Variants in ADK observed in about 807,000 individuals in gnomAD.
ADK encodes adenosine kinase.
In ADK, 24 loss-of-function variants were observed where a neutral mutation model predicts 44.7. That is an observed-to-expected ratio of 0.54 (90% CI 0.39 to 0.76). ADK has a LOEUF of 0.76. ADK is among the 30% of genes least tolerant of loss of function. The pLI is 0.00. For synonymous variants in ADK, 128 were observed against 142.6 expected (o/e 0.90, Z 0.73); for missense variants, 321 against 425.1 (o/e 0.76, Z 2.15).
intron 9 of ADK, among the ~76,000 whole-genome samples, chr10:74,653,319 G>A (rs1182733132): frequency 2.6e-5 from 4 of 152,082 alleles, no homozygotes; most frequent in Non-Finnish European, 5.9e-5. Flanking sequence ...GGGCTTGGTG[G>A]TGGGCACTTT....
chr10:74,564,435 A>G (rs986922536), intron 7 of ADK, among the ~76,000 whole-genome samples: 1 of 152,174 alleles, frequency 6.6e-6, no homozygotes, highest in East Asian at 1.9e-4. Flanking sequence ...TTAGCATCCC[A>G]TAATACATTT....
intron 3 of ADK, among the ~76,000 whole-genome samples, chr10:74,261,494 T>C (rs1051608915): frequency 6.6e-6 from 1 of 152,318 alleles, no homozygotes; most frequent in Non-Finnish European, 1.5e-5. Context: ...TTTAGTCTTA[T>C]TAGTTTATGC....
intron 7 of ADK, chr10:74,527,769 A>C: frequency 1.3e-6 from 2 of 1,566,968 alleles, no homozygotes; most frequent in Non-Finnish European, 1.8e-6. Flanking sequence ...GACTTACCAC[A>C]TCTGAGAGAA....
chr10:74,362,964 G>A (rs1842384531), intron 4 of ADK, among the ~76,000 whole-genome samples: 1 of 152,214 alleles, frequency 6.6e-6, no homozygotes, highest in Non-Finnish European at 1.5e-5. Context: ...ACAAATCTCT[G>A]CACAGATGGG....
chr10:74,401,560 AC>A (rs1843712958), intron 6 of ADK, among the ~76,000 whole-genome samples: 1 of 145,664 alleles, frequency 6.9e-6, no homozygotes, highest in African/African-American at 2.5e-5. Flanking sequence ...TAGGATTGCA[AC>A]CCCTGCTTTT....
intron 4 of ADK, among the ~76,000 whole-genome samples, chr10:74,338,424 T>C (rs1841481306): frequency 6.6e-6 from 1 of 152,138 alleles, no homozygotes; most frequent in South Asian, 2.1e-4. Context: ...GTATTTAACA[T>C]AGAAAAATGG....
chr10:74,408,137 G>T (rs931176742), intron 6 of ADK, among the ~76,000 whole-genome samples: 1 of 150,742 alleles, frequency 6.6e-6, no homozygotes, highest in Admixed American at 6.6e-5. Context: ...CTACCACCAT[G>T]CCTGGCTGAG....
At chr10:74,557,785 A>G (rs757979633) in intron 7 of ADK, among the ~76,000 whole-genome samples, 8 of 152,282 alleles carry the variant, frequency 5.3e-5, no homozygotes, top group Non-Finnish European at 8.8e-5. Flanking sequence ...ATCAATACAT[A>G]GAGGTTATAC....
intron 1 of ADK, among the ~76,000 whole-genome samples, chr10:74,195,666 CT>C (rs922580798): frequency 9.7e-5 from 12 of 124,216 alleles, no homozygotes; most frequent in African/African-American, 3.8e-4. Flanking sequence ...TTATATTTTT[CT>C]TTTTCTTTCT....
At chr10:74,389,301 T>C (rs1217207738) in intron 4 of ADK, among the ~76,000 whole-genome samples, 2 of 152,174 alleles carry the variant, frequency 1.3e-5, no homozygotes, top group African/African-American at 4.8e-5. Context: ...GTTGTGACTT[T>C]GTATTAGGAA....
chr10:74,241,952 A>G lies in ADK; in HGVS notation c.194+17361A>G, dbSNP rs371442431. On this transcript the variant is annotated intron_variant, in intron 3 of 10. Coordinates refer to ENST00000539909, the MANE Select transcript of ADK (RefSeq NM_006721.4). ...TCTGAGTTTTTATGGTGGTTCTGCA[A>G]ATAAACCTGTTTGCTTCTTATTTCT... Among the ~76,000 whole-genome samples, 18 of 152,330 alleles carry G rather than the reference A, an allele frequency of 1.2e-4. No individual in the cohort carries two copies. In the South Asian group the frequency reaches 1.9e-3, roughly 16 times the overall value.
intron 4 of ADK, among the ~76,000 whole-genome samples, chr10:74,379,120 T>C (rs1842905665): frequency 6.6e-6 from 1 of 152,038 alleles, no homozygotes; most frequent in Non-Finnish European, 1.5e-5. Flanking sequence ...TGAGTGTTGT[T>C]GGAAGCATTA....
At chr10:74,186,003 G>A (rs1842746748) in intron 1 of ADK, among the ~76,000 whole-genome samples, 1 of 151,258 alleles carries the variant, frequency 6.6e-6, no homozygotes, top group Non-Finnish European at 1.5e-5. Flanking sequence ...GCGCCCCACC[G>A]TGCCAGGCTA....
chr10:74,614,432 A>G (rs898038789), intron 9 of ADK, among the ~76,000 whole-genome samples: 2 of 152,172 alleles, frequency 1.3e-5, no homozygotes, highest in African/African-American at 2.4e-5. Flanking sequence ...GTATTGAAGT[A>G]TAATGTGCAT....
Position 74,708,511 on chromosome 10 carries a change from A to G in ADK, c.*66A>G. 1.9e-6 allele frequency: 3 copies of G among 1,566,828 alleles called. No homozygotes were observed. Among genetic ancestry groups the G allele is most frequent in the Non-Finnish European group, 2.6e-6 (3 of 1,155,134 alleles). On this transcript the variant is annotated 3_prime_UTR_variant, in exon 11 of 11. Transcript: ENST00000539909. ...CCCTAATTGCTTCCTGAGAATTCCCATATTAATAAAGAAGAAAATTATCTG... is the reference window on the plus strand; with the variant it reads ...CCCTAATTGCTTCCTGAGAATTCCCGTATTAATAAAGAAGAAAATTATCTG...
chr10:74,443,815 A>G (rs1845504728), intron 6 of ADK, among the ~76,000 whole-genome samples: 1 of 152,182 alleles, frequency 6.6e-6, no homozygotes. Flanking sequence ...TTAAACGTAC[A>G]TTATAATATG....
chr10:74,451,067 C>CTT lies in ADK; in HGVS notation c.555+52512_555+52513dup, dbSNP rs35120068. Among the ~76,000 whole-genome samples the CTT allele has an allele frequency of 7.9e-3, 568 of 72,142 alleles. 13 individuals are homozygous for CTT. The highest frequency in any genetic ancestry group is 0.017 in the African/African-American group (276 of 16,698). 47.3% of individuals were successfully genotyped at this position (72,142 alleles called of 152,430 possible). On this transcript the variant is annotated intron_variant, in intron 6 of 10. Transcript: ENST00000539909. ...TTTATAAAAATTGTGGCTCTGCTGC[C>CTT]TTTTTTTTTTTTTTTTTTTTTTTTT...
At chr10:74,386,891 A>C in intron 4 of ADK, among the ~76,000 whole-genome samples, 1 of 151,996 alleles carries the variant, frequency 6.6e-6, no homozygotes, top group Non-Finnish European at 1.5e-5. Flanking sequence ...CAAGGTAAAC[A>C]CAGTGACGTC....
chr10:74,337,143 T>C (rs10762598), intron 4 of ADK, among the ~76,000 whole-genome samples: 98,842 of 152,070 alleles, frequency 0.65, 33,354 homozygotes, highest in Middle Eastern at 0.8. Flanking sequence ...TAGAACAAAG[T>C]CTACTTTGGA....
Sources: gnomAD v4.1 joint callset for allele counts (sites outside exome capture counted in the v4.1 genomes callset) on GRCh38, gnomAD v4.1.1 for gene constraint, MANE v1.5 for transcripts, NCBI Gene and HGNC (gene_info 2026-07-23, HGNC 2026-07-21) for gene names.